Variants in GAB2 observed in about 807,000 individuals in gnomAD.
The protein encoded by GAB2 is GRB2 associated binding protein 2, also known as GRB2-associated-binding protein 2.
A neutral mutation model predicts 65.5 loss-of-function variants in GAB2; 26 were observed. That is an observed-to-expected ratio of 0.40 (90% CI 0.29 to 0.55). GAB2 has a LOEUF of 0.55. Ranked by LOEUF, GAB2 falls within the 20% of genes least tolerant of loss-of-function variation. GAB2 has a pLI of 0.53. For synonymous variants in GAB2, 321 were observed against 329.6 expected (o/e 0.97, Z 0.28); for missense variants, 884 against 875.8 (o/e 1.01, Z -0.12).
chr11:78,306,926 A>C lies in GAB2; in HGVS notation c.76-26025T>G, dbSNP rs1288905783. ...AAGTAAGGTATATATGTTTTACAAA[A>C]TGTGTTATGTATAAATATCAACTTT... On this transcript the variant is annotated intron_variant, in intron 1 of 9. Coordinates refer to ENST00000361507, the MANE Select transcript of GAB2 (RefSeq NM_080491.3). Among the ~76,000 whole-genome samples the C allele has an allele frequency of 3.3e-5, 5 of 152,344 alleles. No homozygotes were observed. The East Asian group carries it at 5.8e-4, about 18-fold the overall frequency.
At chr11:78,349,400 G>C (rs768546351) in intron 1 of GAB2, among the ~76,000 whole-genome samples, 33 of 152,214 alleles carry the variant, frequency 2.2e-4, no homozygotes, top group Non-Finnish European at 4.4e-4. Flanking sequence ...TAACACTTTT[G>C]ATGAGGTAGG....
At chr11:78,349,428 C>G (rs940725950) in intron 1 of GAB2, among the ~76,000 whole-genome samples, 22 of 152,326 alleles carry the variant, frequency 1.4e-4, no homozygotes, top group African/African-American at 4.6e-4. Context: ...ATCTCTATTA[C>G]AGATGAGACA....
At chr11:78,372,181 C>T (rs1856580348) in intron 1 of GAB2, among the ~76,000 whole-genome samples, 1 of 152,042 alleles carries the variant, frequency 6.6e-6, no homozygotes, top group African/African-American at 2.4e-5. Context: ...AGGCTTTGTA[C>T]AAAATACCAT....
intron 1 of GAB2, among the ~76,000 whole-genome samples, chr11:78,291,319 A>T (rs918507149): frequency 7.1e-6 from 1 of 140,816 alleles, no homozygotes; most frequent in African/African-American, 2.6e-5. Context: ...AAAAAAAATT[A>T]GCCAGGCGTG....
chr11:78,245,950 C>T (rs12283679), intron 3 of GAB2, among the ~76,000 whole-genome samples: 2,926 of 145,204 alleles, frequency 0.02, 102 homozygotes, highest in African/African-American at 0.071. Context: ...TTCTTTTTTT[C>T]TTTTTTTTTT....
In GAB2 at chr11:78,390,003, A is replaced by C. The variant is rs1856815476; in HGVS notation, c.75+27643T>G. Among the ~76,000 whole-genome samples the C allele has an allele frequency of 1.3e-5, 2 of 152,228 alleles. 1 individual carries two copies. Among genetic ancestry groups the C allele is most frequent in the South Asian group, 4.1e-4 (2 of 4,832 alleles). On this transcript the variant is annotated intron_variant, in intron 1 of 9. Coordinates refer to ENST00000361507, the MANE Select transcript of GAB2 (RefSeq NM_080491.3). Reference sequence around the variant, plus strand: ...TAGATCCTTTTGTATCTACCACCACATAAATTCAGTAGTTCAGGACCAGGC... The same window carrying C: ...TAGATCCTTTTGTATCTACCACCACCTAAATTCAGTAGTTCAGGACCAGGC...
intron 2 of GAB2, among the ~76,000 whole-genome samples, chr11:78,251,907 T>C (rs1339694933): frequency 6.6e-6 from 1 of 152,244 alleles, no homozygotes; most frequent in Non-Finnish European, 1.5e-5. Context: ...TAGCAGATTC[T>C]TAGTTCATGT....
Position 78,286,821 on chromosome 11 carries a change from G to C in GAB2, c.76-5920C>G, listed in dbSNP as rs144471461. 7.5e-3 allele frequency among the ~76,000 whole-genome samples: 1,136 copies of C among 152,274 alleles called. 12 individuals are homozygous for C. Among genetic ancestry groups the C allele is most frequent in the Middle Eastern group, 0.017 (5 of 294 alleles). ...TAAGGGGGGTCTGGGAGCTTCACCTGAAAAGTAACCCATGATACAAAAATG... is the reference window on the plus strand; with the variant it reads ...TAAGGGGGGTCTGGGAGCTTCACCTCAAAAGTAACCCATGATACAAAAATG... On this transcript the variant is annotated intron_variant, in intron 1 of 9. Coordinates refer to ENST00000361507, the MANE Select transcript of GAB2 (RefSeq NM_080491.3).
intron 1 of GAB2, among the ~76,000 whole-genome samples, chr11:78,304,780 G>A (rs1299028662): frequency 1.3e-5 from 2 of 152,164 alleles, no homozygotes; most frequent in Non-Finnish European, 2.9e-5. Flanking sequence ...ACAGTGCCAA[G>A]TCTAAACTAC....
intron 1 of GAB2, among the ~76,000 whole-genome samples, chr11:78,283,564 A>G (rs963556374): frequency 2.0e-5 from 3 of 151,978 alleles, no homozygotes; most frequent in Non-Finnish European, 4.4e-5. Context: ...CTCCTATTCG[A>G]AGGCACTATA....
intron 1 of GAB2, among the ~76,000 whole-genome samples, chr11:78,336,477 G>GT (rs1856004902): frequency 7.6e-5 from 7 of 91,612 alleles, no homozygotes; most frequent in African/African-American, 1.1e-4. Context: ...TGTAATAGTT[G>GT]TTGTTTTTTT....
At position 78,225,125 on chromosome 11, in the gene GAB2, C is replaced by T. The variant is rs1864588474; in HGVS notation, c.1285G>A (p.Gly429Arg). Residue 429 changes from glycine (G) to arginine (R), a missense_variant, in exon 5 of 10, where the codon GGA becomes AGA. By Grantham distance (125) the Gly-to-Arg change is moderately radical (BLOSUM62 -2). Transcript: ENST00000361507. Reference protein sequence around the residue: ...AGRSAESMSDGVGSFLPGKMI... With the variant: ...AGRSAESMSDRVGSFLPGKMI... The stretch of plus-strand genomic sequence containing the variant: ...ACACTCACCAGGAAAGAGCCAACTC[C>T]ATCACTCATGGATTCAGCAGACCGG... 6.2e-7 allele frequency: 1 copy of T among 1,612,448 alleles called. No homozygotes were observed. The highest frequency in any genetic ancestry group is 8.5e-7 in the Non-Finnish European group (1 of 1,178,496).
intron 1 of GAB2, among the ~76,000 whole-genome samples, chr11:78,290,129 A>G (rs1866617457): frequency 6.6e-6 from 1 of 152,170 alleles, no homozygotes; most frequent in African/African-American, 2.4e-5. Context: ...AGAGACAAGA[A>G]AACAATTAAG....
rs528957665 is a variant in GAB2 at position 78,217,580 on chromosome 11, A to C, written c.*1692T>G. On this transcript the variant is annotated 3_prime_UTR_variant, in exon 10 of 10. Transcript: ENST00000361507. ...GAAGTTCTGTTCGCCCCAGGGTAGA[A>C]TGAAACGTCTGGTCTGTCCTGTTGC... The C allele has an allele frequency of 9.8e-5, 15 of 152,352 alleles. No homozygotes were observed. Among genetic ancestry groups the C allele is most frequent in the South Asian group, 4.1e-4 (2 of 4,832 alleles). 9.4% of individuals were successfully genotyped at this position (152,352 alleles called of 1,614,324 possible).
At chr11:78,359,097 TG>T (rs2134714451) in intron 1 of GAB2, among the ~76,000 whole-genome samples, 1 of 152,274 alleles carries the variant, frequency 6.6e-6, no homozygotes, top group South Asian at 2.1e-4. Context: ...TTAAGAGACG[TG>T]GATGATAGAG....
chr11:78,219,414 G>C lies in GAB2; in HGVS notation c.1889C>G (p.Pro630Arg). Residue 630 changes from proline to arginine, a missense_variant and splice_region_variant, in exon 10 of 10, where the codon CCA becomes CGA. Pro to Arg is a moderately radical substitution (Grantham distance 103). Coordinates refer to ENST00000361507, the MANE Select transcript of GAB2 (RefSeq NM_080491.3). Reference sequence around the variant, plus strand: ...ATCAGAGGTGACGGATGAAGTAGATGGCTGAGGGGACAGAGTGGGAAAGAG... The same window carrying C: ...ATCAGAGGTGACGGATGAAGTAGATCGCTGAGGGGACAGAGTGGGAAAGAG... Reference protein sequence around the residue: ...QPSSPSPHRKPSTSSVTSDEK... With the variant: ...QPSSPSPHRKRSTSSVTSDEK... The C allele has an allele frequency of 6.2e-7, 1 of 1,613,842 alleles. No individual in the cohort carries two copies.
Position 78,218,162 on chromosome 11 carries a change from T to G in GAB2, c.*1110A>C, listed in dbSNP as rs934861560. On this transcript the variant is annotated 3_prime_UTR_variant, in exon 10 of 10. Coordinates refer to ENST00000361507, the MANE Select transcript of GAB2 (RefSeq NM_080491.3). ...TGCTACCTCTGTGCCCGACTTCCAC[T>G]GCACTGCTCACTGCAAAGAAACTCA... The G allele has an allele frequency of 6.5e-6, 1 of 153,674 alleles. No individual in the cohort carries two copies. Among genetic ancestry groups the G allele is most frequent in the Admixed American group, 6.5e-5 (1 of 15,296 alleles). The allele number at this position is 153,674 out of a possible 1,614,324, so 9.5% of individuals were successfully genotyped here.
chr11:78,323,790 C>CTTTTTTTTTTTTTTTTTTT (rs749282969), intron 1 of GAB2, among the ~76,000 whole-genome samples: 2 of 77,264 alleles, frequency 2.6e-5, no homozygotes, highest in African/African-American at 1.0e-4. Context: ...CTGAATCTTT[C>CTTTTTTTTTTTTTTTTTTT]TTTTTTTTTT....
intron 1 of GAB2, among the ~76,000 whole-genome samples, chr11:78,408,672 T>G (rs573908611): frequency 1.3e-5 from 2 of 152,280 alleles, no homozygotes; most frequent in South Asian, 2.1e-4. Flanking sequence ...CCCCAAATAT[T>G]GGAGGTGGGG....
Sources: gnomAD v4.1 joint callset for allele counts (sites outside exome capture counted in the v4.1 genomes callset) on GRCh38, gnomAD v4.1.1 for gene constraint, MANE v1.5 for transcripts, NCBI Gene and HGNC (gene_info 2026-07-23, HGNC 2026-07-21) for gene names.